The following BTBD8 variants were observed in gnomAD, a reference collection of about 807,000 sequenced individuals.
BTBD8 encodes BTB/POZ domain-containing protein 8.
A neutral mutation model predicts 162.9 loss-of-function variants in BTBD8; 110 were observed. The observed-to-expected ratio is 0.68, with a 90% CI of 0.58 to 0.79. BTBD8 has a LOEUF of 0.79. BTBD8 is among the 30% of genes least tolerant of loss of function. The probability of loss-of-function intolerance (pLI) is 0.00; values close to 1 mark genes in which losing one functional copy is unlikely to be tolerated. For missense variants in BTBD8, 1,905 were observed against 2,085.4 expected, an observed-to-expected ratio of 0.91 and a Z score of 1.68; for synonymous variants, 667 against 716.1, an observed-to-expected ratio of 0.93 and a Z score of 1.10.
rs1648618172 is a variant in BTBD8 at position 92,102,623 on chromosome 1, A to T, written c.498A>T (p.Glu166Asp). Residue 166 changes from glutamate (E) to aspartate (D), a missense_variant, in exon 3 of 18, where the codon GAA (glutamate) becomes GAT (aspartate). Glu to Asp is a conservative substitution (Grantham distance 45). Transcript: ENST00000636805. ...CTGATTGTTCTCTTCAGAAGCATGAAATTCCAGAGGATATCAGTGACAGAG... is the reference window on the plus strand; with the variant it reads ...CTGATTGTTCTCTTCAGAAGCATGATATTCCAGAGGATATCAGTGACAGAG... The part of the protein sequence containing the change: ...NSSDCSLQKH[E>D]IPEDISDRDD... 2 of 1,552,118 alleles carry T rather than the reference A, an allele frequency of 1.3e-6. No homozygotes were observed. Among genetic ancestry groups the T allele is most frequent in the African/African-American group, 2.8e-5 (2 of 72,498 alleles).
chr1:92,107,112 C>A (rs2101907001), intron 3 of BTBD8, among the ~76,000 whole-genome samples: 1 of 151,778 alleles, frequency 6.6e-6, no homozygotes, highest in Non-Finnish European at 1.5e-5. Flanking sequence ...TTAGATAATC[C>A]AATATTGTTG....
chr1:92,086,357 TTA>T (rs1648160934), intron 1 of BTBD8, among the ~76,000 whole-genome samples: 1 of 152,156 alleles, frequency 6.6e-6, no homozygotes, highest in Non-Finnish European at 1.5e-5. Context: ...ATCTTTTACA[TTA>T]TGTCAGACGT....
chr1:92,097,992 G>A (rs1312358852), intron 2 of BTBD8, among the ~76,000 whole-genome samples: 1 of 152,168 alleles, frequency 6.6e-6, no homozygotes, highest in Non-Finnish European at 1.5e-5. Flanking sequence ...CTGAAATGTT[G>A]CCAACAAGGG....
intron 13 of BTBD8, among the ~76,000 whole-genome samples, chr1:92,175,334 C>G (rs567541964): frequency 1.6e-4 from 25 of 151,968 alleles, no homozygotes; most frequent in Admixed American, 3.3e-4. Flanking sequence ...CAAAAATTAG[C>G]TGGGCATGGT....
intron 2 of BTBD8, among the ~76,000 whole-genome samples, chr1:92,090,522 T>TAATA (rs1406530358): frequency 5.9e-5 from 9 of 152,244 alleles, no homozygotes; most frequent in African/African-American, 2.2e-4. Flanking sequence ...TCTTTATATA[T>TAATA]TCTGTAATAT....
At chr1:92,141,527 C>G (rs1372123437) in intron 7 of BTBD8, among the ~76,000 whole-genome samples, 1 of 152,138 alleles carries the variant, frequency 6.6e-6, no homozygotes, top group Non-Finnish European at 1.5e-5. Context: ...CCCCATTTAT[C>G]AAAGGGCTAC....
chr1:92,088,948 C>T (rs1462608185), intron 2 of BTBD8, 53 bp downstream of exon 2: 3 of 1,390,516 alleles, frequency 2.2e-6, no homozygotes, highest in Admixed American at 2.3e-5. Context: ...TTATTTTTAA[C>T]ATGTATGTTT....
chr1:92,142,128 C>A (rs1649791275), intron 7 of BTBD8, among the ~76,000 whole-genome samples: 1 of 152,174 alleles, frequency 6.6e-6, no homozygotes, highest in Non-Finnish European at 1.5e-5. Context: ...AAATAGTTAA[C>A]CCCTCGGCTT....
At chr1:92,111,972 C>T (rs1429820635) in intron 4 of BTBD8, among the ~76,000 whole-genome samples, 3 of 152,120 alleles carry the variant, frequency 2.0e-5, no homozygotes, top group African/African-American at 7.2e-5. Context: ...GTTCCCAAAC[C>T]TGCGTATGCC....
At chr1:92,116,857 C>CTTTTTTTTTTTTTTTTTTTTT (rs112709043) in intron 4 of BTBD8, among the ~76,000 whole-genome samples, 1 of 141,978 alleles carries the variant, frequency 7.0e-6, no homozygotes, top group African/African-American at 2.6e-5. Flanking sequence ...TACCATTGTA[C>CTTTTTTTTTTTTTTTTTTTTT]TTTTTTTTTT....
At chr1:92,167,176 A>T in intron 10 of BTBD8, 36 bp downstream of exon 10, 1 of 1,543,018 alleles carries the variant, frequency 6.5e-7, no homozygotes, top group Non-Finnish European at 8.8e-7. Context: ...ATTTAGTTCC[A>T]TCTTTGTGTT....
chr1:92,151,029 A>T (rs993852335), intron 9 of BTBD8: 1 of 152,150 alleles, frequency 6.6e-6, no homozygotes, highest in Non-Finnish European at 1.5e-5. Context: ...AATAAGTGTA[A>T]GATATCAGCT....
chr1:92,115,311 G>A, intron 4 of BTBD8: 1 of 460,432 alleles, frequency 2.2e-6, no homozygotes, highest in South Asian at 1.9e-5. Flanking sequence ...TGCCAGAGTT[G>A]TTATGGATGA....
At chr1:92,139,569 A>T in intron 6 of BTBD8, 139 bp downstream of exon 6, 1 of 1,308,736 alleles carries the variant, frequency 7.6e-7, no homozygotes, top group Non-Finnish European at 9.7e-7. Flanking sequence ...TTTTGAGAAC[A>T]TCTAAAAACA....
intron 1 of BTBD8, among the ~76,000 whole-genome samples, chr1:92,082,584 AC>A (rs767287526): frequency 5.1e-4 from 78 of 152,288 alleles, no homozygotes; most frequent in Non-Finnish European, 9.4e-4. Context: ...AAGGGGAATA[AC>A]TTTTATGGAA....
At position 92,148,058 on chromosome 1, in the gene BTBD8, T is replaced by C. The variant is rs80268423; in HGVS notation, c.1122+272T>C. Among the ~76,000 whole-genome samples, 118 of 152,244 alleles carry C rather than the reference T, an allele frequency of 7.8e-4. 1 individual carries two copies. The East Asian group carries it at 0.021, about 28-fold the overall frequency. On this transcript the variant is annotated intron_variant, in intron 9 of 17. Transcript: ENST00000636805. The stretch of plus-strand genomic sequence containing the variant: ...AGACATGGTGCCACAGAGAAAGGCT[T>C]ATGCGTTGGCTCAGCAGTATTGACC...
intron 4 of BTBD8, among the ~76,000 whole-genome samples, chr1:92,123,420 A>G (rs1376902263): frequency 6.6e-6 from 1 of 152,176 alleles, no homozygotes; most frequent in Non-Finnish European, 1.5e-5. Flanking sequence ...TCTAGAAACT[A>G]ATTTAGGAAG....
In BTBD8 at chr1:92,181,714, G is replaced by T; in HGVS notation, c.4031G>T (p.Arg1344Met). The T allele has an allele frequency of 6.4e-7, 1 of 1,551,594 alleles. No individual in the cohort carries two copies. Residue 1344 changes from arginine (R) to methionine (M), a missense_variant, in exon 17 of 18, where the codon AGG becomes ATG. By Grantham distance (91) the Arg-to-Met change is moderately conservative. Around this residue, in one of 3 missense-constraint regions of BTBD8, gnomAD observed 517 missense variants for 606.6 expected, o/e 0.85. Coordinates refer to ENST00000636805, the MANE Select transcript of BTBD8 (RefSeq NM_001376131.1). Reference sequence around the variant, plus strand: ...TCAACGAGTGATGATGAAATCCCTAGGAAAAGGCCAGAAATTTGGTCTCGA... The same window carrying T: ...TCAACGAGTGATGATGAAATCCCTATGAAAAGGCCAGAAATTTGGTCTCGA... ...VNSTSDDEIPRKRPEIWSRSA... is the reference protein window; with the variant it reads ...VNSTSDDEIPMKRPEIWSRSA...
At chr1:92,147,121 A>G in intron 7 of BTBD8, 59 bp from the exon 8 acceptor site, 1 of 1,336,142 alleles carries the variant, frequency 7.5e-7, no homozygotes, top group Non-Finnish European at 1.0e-6. Context: ...TATGAACCAA[A>G]TATTTTTAGG....
Sources: gnomAD v4.1 joint callset for allele counts (sites outside exome capture counted in the v4.1 genomes callset) on GRCh38, gnomAD v4.1.1 for gene constraint, gnomAD v4.1.1 regional missense constraint, MANE v1.5 for transcripts, NCBI Gene and HGNC (gene_info 2026-07-23, HGNC 2026-07-21) for gene names.